Variants in KIF26B observed in about 807,000 individuals in gnomAD.
The protein encoded by KIF26B is kinesin-like protein KIF26B.
KIF26B carries 63 observed loss-of-function variants against 151.2 expected under a neutral mutation model. The ratio of observed to expected loss-of-function variants is 0.42; its 90% CI spans 0.34 to 0.51. The LOEUF (loss-of-function observed/expected upper bound fraction) is 0.51. Among genes scored for constraint, KIF26B ranks in the 20% least tolerant of loss-of-function variants. The pLI is 0.07. For synonymous variants in KIF26B, 1,357 were observed against 1,262.1 expected (o/e 1.08, Z -1.59); for missense variants, 2,813 against 2,913.6 (o/e 0.97, Z 0.79).
chr1:245,513,879 A>T (rs1222919247), intron 4 of KIF26B, among the ~76,000 whole-genome samples: 2 of 151,676 alleles, frequency 1.3e-5, no homozygotes, highest in African/African-American at 4.9e-5. Flanking sequence ...CTCCCTGTAA[A>T]CTCCATTCCT....
At chr1:245,254,783 G>C (rs1253498495) in intron 2 of KIF26B, among the ~76,000 whole-genome samples, 2 of 152,192 alleles carry the variant, frequency 1.3e-5, no homozygotes, top group Non-Finnish European at 2.9e-5. Flanking sequence ...TACCCTGGGG[G>C]CTATGCAGGC....
At position 245,155,114 on chromosome 1, in the gene KIF26B, G is replaced by A. The variant is rs960128645; in HGVS notation, c.-311G>A. 1.5e-5 allele frequency: 8 copies of A among 519,962 alleles called. No individual in the cohort carries two copies. Among genetic ancestry groups the A allele is most frequent in the African/African-American group, 1.2e-4 (6 of 49,982 alleles). 32.2% of individuals were successfully genotyped at this position (519,962 alleles called of 1,614,324 possible). ...CTCGTGGGGGAGCACGGACTGACTTGGCTGAAGAAAATGCCAGTTCTGTGG... is the reference window on the plus strand; with the variant it reads ...CTCGTGGGGGAGCACGGACTGACTTAGCTGAAGAAAATGCCAGTTCTGTGG... On this transcript the variant is annotated 5_prime_UTR_variant, in exon 1 of 15. Transcript: ENST00000407071.
Position 245,190,629 on chromosome 1 carries a change from G to GTTTTTTTTTTTTTTTTTT in KIF26B, c.465+33950_465+33951insTTTTTTTTTTTTTTTTTT, listed in dbSNP as rs768099890. 7.5e-5 allele frequency among the ~76,000 whole-genome samples: 6 copies of GTTTTTTTTTTTTTTTTTT among 80,076 alleles called. 1 individual carries two copies. The highest frequency in any genetic ancestry group is 2.5e-4 in the African/African-American group (6 of 23,682). 52.5% of individuals were successfully genotyped at this position (80,076 alleles called of 152,430 possible). ...CTTTTCCTATAAGTTTTCCCTGAAT[G>GTTTTTTTTTTTTTTTTTT]TTTTGTTTTGTTTTTTTTTTTTTTT... On this transcript the variant is annotated intron_variant, in intron 2 of 14. Transcript: ENST00000407071.
intron 2 of KIF26B, among the ~76,000 whole-genome samples, chr1:245,292,512 T>C (rs1356342784): frequency 6.6e-6 from 1 of 152,178 alleles, no homozygotes; most frequent in African/African-American, 2.4e-5. Flanking sequence ...GAGCAGGTGC[T>C]TCACCTGCCT....
At position 245,259,075 on chromosome 1, in the gene KIF26B, G is replaced by A. The variant is rs76067613; in HGVS notation, c.465+102392G>A. Reference sequence around the variant, plus strand: ...TGGGAGATGTTAGACCTCAAGCTGTGCCCCTAGCTGGGTGGGTATGGGAAG... The same window carrying A: ...TGGGAGATGTTAGACCTCAAGCTGTACCCCTAGCTGGGTGGGTATGGGAAG... On this transcript the variant is annotated intron_variant, in intron 2 of 14. Transcript: ENST00000407071. Among the ~76,000 whole-genome samples, 815 of 152,320 alleles carry A rather than the reference G, an allele frequency of 5.4e-3. 5 individuals carry two copies. The highest frequency in any genetic ancestry group is 0.019 in the African/African-American group (780 of 41,568).
In KIF26B at chr1:245,602,093, G is replaced by A. The variant is rs1412332366; in HGVS notation, c.1351-484G>A. ...GGCCATTAAAAGCAGGCCATTTCAC[G>A]GTTCTTTAATGATGACACTAATAAC... On this transcript the variant is annotated intron_variant, in intron 5 of 14. Coordinates refer to ENST00000407071, the MANE Select transcript of KIF26B (RefSeq NM_018012.4). The surrounding 1 kb of genome is among the most constrained non-coding windows in gnomAD (Gnocchi z 4.5). Among the ~76,000 whole-genome samples, 2 of 151,582 alleles carry A rather than the reference G, an allele frequency of 1.3e-5. No homozygotes were observed. Among genetic ancestry groups the A allele is most frequent in the African/African-American group, 4.8e-5 (2 of 41,244 alleles).
At chr1:245,634,933 C>G (rs912069271) in intron 9 of KIF26B, among the ~76,000 whole-genome samples, 5 of 152,036 alleles carry the variant, frequency 3.3e-5, no homozygotes, top group African/African-American at 1.2e-4. Context: ...CCTGGCTGGT[C>G]TTGAACTTCG....
intron 2 of KIF26B, among the ~76,000 whole-genome samples, chr1:245,262,146 C>T (rs1043340784): frequency 6.6e-6 from 1 of 152,142 alleles, no homozygotes; most frequent in Non-Finnish European, 1.5e-5. Flanking sequence ...TTATTTTTCT[C>T]ATGTGATATA....
Position 245,356,484 on chromosome 1 carries a change from G to A in KIF26B, c.466-10350G>A, listed in dbSNP as rs577191503. ...AGGCAGGAGAATTGCTTGAACCTAG[G>A]AGGCAGAGGTTGCAGTGAGCCGAGA... On this transcript the variant is annotated intron_variant, in intron 2 of 14. Transcript: ENST00000407071. 1.4e-3 allele frequency among the ~76,000 whole-genome samples: 215 copies of A among 152,196 alleles called. 1 individual carries two copies. The highest frequency in any genetic ancestry group is 5.0e-3 in the African/African-American group (208 of 41,520).
intron 2 of KIF26B, among the ~76,000 whole-genome samples, chr1:245,277,709 G>C (rs1300511105): frequency 6.6e-6 from 1 of 152,088 alleles, no homozygotes; most frequent in Non-Finnish European, 1.5e-5. Flanking sequence ...CTCTTCTAAC[G>C]TGATTCTTTG....
chr1:245,394,531 G>C (rs971686701), intron 3 of KIF26B, among the ~76,000 whole-genome samples: 1 of 152,054 alleles, frequency 6.6e-6, no homozygotes, highest in Non-Finnish European at 1.5e-5. Flanking sequence ...GCTGAGGCAG[G>C]AGAATTGCTT....
chr1:245,353,444 G>A (rs1364557423), intron 2 of KIF26B, among the ~76,000 whole-genome samples: 1 of 152,192 alleles, frequency 6.6e-6, no homozygotes, highest in Non-Finnish European at 1.5e-5. Flanking sequence ...TTGGTGGAGG[G>A]GCGGTAGGGG....
intron 2 of KIF26B, among the ~76,000 whole-genome samples, chr1:245,183,560 C>A (rs996168923): frequency 2.6e-5 from 4 of 152,184 alleles, no homozygotes; most frequent in South Asian, 2.1e-4. Flanking sequence ...TTCTGTCCTT[C>A]ATTTTCTAAC....
chr1:245,297,953 G>A (rs1475299836), intron 2 of KIF26B, among the ~76,000 whole-genome samples: 2 of 152,010 alleles, frequency 1.3e-5, no homozygotes, highest in African/African-American at 2.4e-5. Context: ...GTGGTGTGAT[G>A]TTGGCTCACT....
chr1:245,594,235 C>G (rs951452657), intron 5 of KIF26B, among the ~76,000 whole-genome samples: 5 of 152,180 alleles, frequency 3.3e-5, no homozygotes, highest in Admixed American at 6.5e-5. Flanking sequence ...GACATGAAGT[C>G]TTTGCCCATG....
At chr1:245,213,047 G>A (rs910025189) in intron 2 of KIF26B, among the ~76,000 whole-genome samples, 7 of 152,156 alleles carry the variant, frequency 4.6e-5, no homozygotes, top group South Asian at 4.1e-4. Context: ...TTTCCAAGGG[G>A]GGAGCAAATA....
chr1:245,305,562 G>A (rs1463451423), intron 2 of KIF26B, among the ~76,000 whole-genome samples: 3 of 152,078 alleles, frequency 2.0e-5, no homozygotes, highest in African/African-American at 4.8e-5. Context: ...ATTTATACTC[G>A]CATGGCTAGA....
chr1:245,472,278 A>G (rs1428563358), intron 4 of KIF26B, among the ~76,000 whole-genome samples: 1 of 152,188 alleles, frequency 6.6e-6, no homozygotes. Flanking sequence ...CCACGTATTT[A>G]TTGAGGAATA....
intron 4 of KIF26B, among the ~76,000 whole-genome samples, chr1:245,494,387 C>T (rs1660469808): frequency 6.6e-6 from 1 of 152,090 alleles, no homozygotes; most frequent in Admixed American, 6.6e-5. Context: ...CACTGGGATC[C>T]TTGAAGAATC....
Sources: allele counts gnomAD v4.1 joint callset (sites outside exome capture counted in the v4.1 genomes callset), GRCh38; gene constraint gnomAD v4.1.1; non-coding constraint Gnocchi (gnomAD v3.1); transcripts MANE v1.5; gene names NCBI Gene and HGNC (gene_info 2026-07-23, HGNC 2026-07-21).